The following EML6 variants were observed in gnomAD, a reference collection of about 807,000 sequenced individuals.
EML6 encodes the protein echinoderm microtubule-associated protein-like 6.
Under a neutral mutation model 240.1 loss-of-function variants are expected in EML6, and 154 were observed. The ratio of observed to expected loss-of-function variants is 0.64; its 90% CI spans 0.56 to 0.73. The LOEUF (loss-of-function observed/expected upper bound fraction) is 0.73. Ranked by LOEUF, EML6 falls within the 30% of genes least tolerant of loss-of-function variation. The pLI is 0.00. For synonymous variants in EML6, 1,148 were observed against 899.0 expected (o/e 1.28, Z -4.95); for missense variants, 2,964 against 2,474.6 (o/e 1.20, Z -4.20).
At chr2:54,911,118 G>T in intron 25 of EML6, 76 bp downstream of exon 25, 1 of 735,212 alleles carries the variant, frequency 1.4e-6, no homozygotes, top group South Asian at 1.8e-5. Flanking sequence ...AACCTATCAC[G>T]TTAACCACTA....
At chr2:54,808,881 C>T (rs1358003661) in intron 2 of EML6, among the ~76,000 whole-genome samples, 1 of 152,172 alleles carries the variant, frequency 6.6e-6, no homozygotes, top group Non-Finnish European at 1.5e-5. Flanking sequence ...TTTCTTCTCC[C>T]AGATAGGTTG....
intron 21 of EML6, among the ~76,000 whole-genome samples, chr2:54,897,186 T>G (rs1340486981): frequency 1.3e-5 from 2 of 152,214 alleles, no homozygotes; most frequent in African/African-American, 4.8e-5. Context: ...CCAATATGAT[T>G]TAAATAATAC....
At chr2:54,758,904 A>G (rs1463394192) in intron 2 of EML6, among the ~76,000 whole-genome samples, 1 of 98,822 alleles carries the variant, frequency 1.0e-5, no homozygotes, top group African/African-American at 4.1e-5. Flanking sequence ...CTCTGCAAAC[A>G]TAAAATATGG....
Position 54,859,536 on chromosome 2 carries a change from G to A in EML6, c.1660G>A (p.Ala554Thr), listed in dbSNP as rs1258855038. The part of the protein sequence containing the change: ...LFKFPCLKRG[A>T]KFRKYVGHSA... ...CCTCTCAAAAAATATTCTTTCAGGA[G>A]CCAAATTTAGAAAGTATGTGGGCCA... is the stretch of plus-strand genomic sequence containing the variant. Residue 554 changes from alanine to threonine, a missense_variant and splice_region_variant, in exon 12 of 42, where the codon GCC becomes ACC. Physicochemically the swap from Ala to Thr is moderately conservative, Grantham distance 58. Transcript: ENST00000356458. The A allele has an allele frequency of 5.8e-6, 9 of 1,548,314 alleles. No homozygotes were observed. The highest frequency in any genetic ancestry group is 5.2e-6 in the Non-Finnish European group (6 of 1,146,126).
intron 21 of EML6, 53 bp downstream of exon 21, chr2:54,895,453 G>C (rs1204956337): frequency 1.3e-6 from 2 of 1,528,602 alleles, no homozygotes; most frequent in Non-Finnish European, 1.8e-6. Flanking sequence ...TGGGACTAGA[G>C]TGAGGCAAAG....
chr2:54,919,490 C>T (rs1674110590), intron 26 of EML6, among the ~76,000 whole-genome samples: 1 of 152,168 alleles, frequency 6.6e-6, no homozygotes, highest in Non-Finnish European at 1.5e-5. Flanking sequence ...CCCTGAGATA[C>T]ACATCTGTTT....
chr2:54,744,588 A>C (rs1683813941), intron 2 of EML6, among the ~76,000 whole-genome samples: 1 of 151,776 alleles, frequency 6.6e-6, no homozygotes, highest in Non-Finnish European at 1.5e-5. Context: ...GAGCAGGGGG[A>C]GCAGGAGGGA....
At chr2:54,788,401 C>G (rs551541056) in intron 2 of EML6, among the ~76,000 whole-genome samples, 1 of 152,230 alleles carries the variant, frequency 6.6e-6, no homozygotes, top group African/African-American at 2.4e-5. Context: ...ACAAGGGTGG[C>G]TGCCACTATA....
At chr2:54,937,836 C>G (rs975636940) in intron 28 of EML6, among the ~76,000 whole-genome samples, 1 of 152,150 alleles carries the variant, frequency 6.6e-6, no homozygotes, top group Admixed American at 6.5e-5. Context: ...TAATTAAATA[C>G]TGTTTGTATT....
chr2:54,822,680 T>A (rs1668387677), intron 5 of EML6, among the ~76,000 whole-genome samples: 1 of 152,188 alleles, frequency 6.6e-6, no homozygotes, highest in African/African-American at 2.4e-5. Flanking sequence ...TTGTGGCTTT[T>A]TTTTCTTTAA....
At chr2:54,851,037 T>C (rs990450512) in intron 10 of EML6, among the ~76,000 whole-genome samples, 2 of 152,206 alleles carry the variant, frequency 1.3e-5, no homozygotes, top group African/African-American at 4.8e-5. Flanking sequence ...ATGTAGTAAA[T>C]GTTTTAACAA....
intron 28 of EML6, among the ~76,000 whole-genome samples, chr2:54,929,896 C>T (rs1300096528): frequency 6.6e-6 from 1 of 152,082 alleles, no homozygotes; most frequent in Admixed American, 6.6e-5. Context: ...GATTTTTCTG[C>T]AGTGGTCTTC....
intron 24 of EML6, among the ~76,000 whole-genome samples, chr2:54,905,372 AC>A (rs1673273096): frequency 2.3e-5 from 3 of 131,344 alleles, no homozygotes; most frequent in Non-Finnish European, 5.0e-5. Flanking sequence ...ACACACACAC[AC>A]ACACAAAATA....
intron 28 of EML6, among the ~76,000 whole-genome samples, chr2:54,945,029 C>A (rs1307097006): frequency 7.9e-6 from 1 of 126,138 alleles, no homozygotes; most frequent in Non-Finnish European, 1.7e-5. Flanking sequence ...CCCCTCCTTC[C>A]CTCCTCCTTC....
chr2:54,789,661 C>T (rs1304097600), intron 2 of EML6, among the ~76,000 whole-genome samples: 1 of 151,444 alleles, frequency 6.6e-6, no homozygotes, highest in East Asian at 1.9e-4. Flanking sequence ...GTGCCAGATA[C>T]TGTATTGGAT....
At chr2:54,901,698 C>T (rs1018534817) in intron 22 of EML6, among the ~76,000 whole-genome samples, 4 of 152,138 alleles carry the variant, frequency 2.6e-5, no homozygotes, top group South Asian at 2.1e-4. Flanking sequence ...AGTACTGGCA[C>T]GTCAGTTTTG....
At chr2:54,942,738 G>A (rs558106688) in intron 28 of EML6, among the ~76,000 whole-genome samples, 4 of 152,128 alleles carry the variant, frequency 2.6e-5, no homozygotes, top group African/African-American at 7.2e-5. Flanking sequence ...CTCCTGCCAT[G>A]CCCTGGGTTA....
intron 38 of EML6, 70 bp from the exon 39 acceptor site, chr2:54,966,930 A>G: frequency 2.0e-6 from 2 of 994,310 alleles, no homozygotes; most frequent in Non-Finnish European, 1.5e-6. Flanking sequence ...GTTCTGGGAA[A>G]CTGTGCCCAA....
At chr2:54,910,212 T>A (rs1211486936) in intron 24 of EML6, among the ~76,000 whole-genome samples, 3 of 152,202 alleles carry the variant, frequency 2.0e-5, no homozygotes, top group African/African-American at 7.2e-5. Context: ...TTTGAAACTT[T>A]CCATAATATT....
Sources: gnomAD v4.1 joint callset for allele counts (sites outside exome capture counted in the v4.1 genomes callset) on GRCh38, gnomAD v4.1.1 for gene constraint, MANE v1.5 for transcripts, NCBI Gene and HGNC (gene_info 2026-07-23, HGNC 2026-07-21) for gene names.